CEP295: variants seen among roughly 807,000 people sequenced by gnomAD.
CEP295 encodes centrosomal protein of 295 kDa.
CEP295 carries 190 observed loss-of-function variants against 291.6 expected under a neutral mutation model. The ratio of observed to expected loss-of-function variants is 0.65; its 90% CI spans 0.58 to 0.73. The LOEUF is 0.73. Among genes scored for constraint, CEP295 ranks in the 30% least tolerant of loss-of-function variants. The probability of loss-of-function intolerance (pLI) is 0.00; values close to 1 mark genes in which losing one functional copy is unlikely to be tolerated. For synonymous variants in CEP295, 993 were observed against 1,038.8 expected (o/e 0.96, Z 0.85); for missense variants, 2,863 against 2,949.4 (o/e 0.97, Z 0.68).
chr11:93,684,242 C>A, intron 9 of CEP295, 114 bp downstream of exon 9: 1 of 738,552 alleles, frequency 1.4e-6, no homozygotes, highest in Non-Finnish European at 2.2e-6. Context: ...ATGAGTAATA[C>A]TGATGGGAGC....
At chr11:93,716,532 TGGGGTGTATACAGGA>T (rs1379507116) in intron 18 of CEP295, among the ~76,000 whole-genome samples, 1 of 152,222 alleles carries the variant, frequency 6.6e-6, no homozygotes, top group Non-Finnish European at 1.5e-5. Context: ...GGAGAGACCT[TGGGGTGTATACAGGA>T]GGGTATCTTT....
At chr11:93,706,674 A>G (rs1167844797) in intron 17 of CEP295, 71 bp from the exon 18 acceptor site, 19 of 1,314,028 alleles carry the variant, frequency 1.4e-5, no homozygotes, top group Non-Finnish European at 1.9e-5. Flanking sequence ...TACCCATAAT[A>G]TAAATTGGCA....
intron 10 of CEP295, among the ~76,000 whole-genome samples, chr11:93,689,624 C>T (rs1391928481): frequency 6.6e-6 from 1 of 152,144 alleles, no homozygotes. Context: ...CCAACCTCCA[C>T]ACCTTTTACT....
chr11:93,675,715 G>T, intron 6 of CEP295, 49 bp downstream of exon 6: 1 of 949,244 alleles, frequency 1.1e-6, no homozygotes, highest in Non-Finnish European at 1.6e-6. Flanking sequence ...ATTTCTGTGT[G>T]CATTGAATTG....
chr11:93,697,538 C>A lies in CEP295; in HGVS notation c.2626C>A (p.Gln876Lys). 1 of 1,551,724 alleles carries A rather than the reference C, an allele frequency of 6.4e-7. No individual in the cohort carries two copies. The highest frequency in any genetic ancestry group is 8.7e-7 in the Non-Finnish European group (1 of 1,146,986). Residue 876 changes from glutamine to lysine, a missense_variant, in exon 15 of 30, where the codon CAG becomes AAG. Transcript: ENST00000325212. ...EAQEQLLLCK[Q>K]KEVEQQTGLS... ...TCAGGAACAGTTGCTTTTGTGCAAA[C>A]AGAAAGAAGTGGAACAGCAAACGGG... is the stretch of plus-strand genomic sequence containing the variant.
chr11:93,703,758 C>G (rs72974662), intron 17 of CEP295, among the ~76,000 whole-genome samples: 1,694 of 151,144 alleles, frequency 0.011, 16 homozygotes, highest in Non-Finnish European at 0.018. Context: ...AACACTCATC[C>G]CTGTAATTCT....
chr11:93,691,639 C>G, intron 10 of CEP295, 44 bp from the exon 11 acceptor site: 1 of 1,271,952 alleles, frequency 7.9e-7, no homozygotes, highest in East Asian at 2.5e-5. Flanking sequence ...TTAAGTTTGA[C>G]AATGATTATA....
chr11:93,700,207 A>G, intron 15 of CEP295, 21 bp downstream of exon 15: 1 of 1,502,166 alleles, frequency 6.7e-7, no homozygotes, highest in South Asian at 1.3e-5. Context: ...AACCTGAATA[A>G]TAATGAAACA....
At chr11:93,676,387 A>G (rs1371708227) in intron 6 of CEP295, among the ~76,000 whole-genome samples, 1 of 152,044 alleles carries the variant, frequency 6.6e-6, no homozygotes, top group Non-Finnish European at 1.5e-5. Context: ...TATTGTTATT[A>G]TAATTGCTAT....
rs138827967 is a variant in CEP295 at position 93,685,398 on chromosome 11, G to A, written c.1114+1270G>A. Among the ~76,000 whole-genome samples the A allele has an allele frequency of 9.9e-5, 15 of 152,030 alleles. No homozygotes were observed. In the East Asian group the frequency reaches 2.1e-3, roughly 22 times the overall value. On this transcript the variant is annotated intron_variant, in intron 9 of 29. Transcript: ENST00000325212. ...TTTCTTATCATCTTCACCCTACACC[G>A]TGAACGTAGCCTTTTGGGATTCCAA...
chr11:93,702,150 G>T (rs1952206249), intron 15 of CEP295, among the ~76,000 whole-genome samples: 1 of 151,796 alleles, frequency 6.6e-6, no homozygotes, highest in African/African-American at 2.4e-5. Context: ...GTAGAGACGG[G>T]ATTTCACCAT....
chr11:93,699,449 G>T lies in CEP295; in HGVS notation c.4537G>T (p.Asp1513Tyr), dbSNP rs949494449. Residue 1513 changes from aspartate (D) to tyrosine (Y), a missense_variant, in exon 15 of 30, where the codon GAT becomes TAT. Asp to Tyr is a radical substitution (Grantham distance 160, BLOSUM62 -3). This residue lies in a region of CEP295 where 2,295 missense variants were observed against 2,335.7 expected (regional missense o/e 0.98). Coordinates refer to ENST00000325212, the MANE Select transcript of CEP295 (RefSeq NM_033395.2). ...GDLQALQQQL[D>Y]TQKKAIRSIQ... is the part of the protein sequence containing the mutation. ...TTTGCAGGCACTTCAACAGCAGTTA[G>T]ATACACAGAAGAAAGCCATTCGATC... 3.9e-6 allele frequency: 6 copies of T among 1,551,738 alleles called. No homozygotes were observed. The highest frequency in any genetic ancestry group is 5.2e-6 in the Non-Finnish European group (6 of 1,146,994).
intron 5 of CEP295, among the ~76,000 whole-genome samples, chr11:93,670,754 A>T (rs1470678197): frequency 6.6e-6 from 1 of 152,206 alleles, no homozygotes; most frequent in East Asian, 1.9e-4. Context: ...ATTATCCATG[A>T]TGCCTTTTGA....
rs148729291 is a variant in CEP295 at position 93,729,403 on chromosome 11, A to AGAGTT, written c.7303-27_7303-26insTGAGT. On this transcript the variant is annotated intron_variant, in intron 25 of 29. Transcript: ENST00000325212. ...CAAGACCCGCTTAAAGCGTTTAAAAAGAGTAAAACATGCAACTTTCTTGCC... is the reference window on the plus strand; with the variant it reads ...CAAGACCCGCTTAAAGCGTTTAAAAAGAGTTGAGTAAAACATGCAACTTTCTTGCC... 4,650 of 1,451,542 alleles carry AGAGTT rather than the reference A, an allele frequency of 3.2e-3. 118 individuals carry two copies. In the East Asian group the frequency reaches 0.068, roughly 21 times the overall value. The allele number at this position is 1,451,542 out of a possible 1,614,324, so 89.9% of individuals were successfully genotyped here.
rs767082481 is a variant in CEP295 at position 93,687,694 on chromosome 11, A to G, written c.1165A>G (p.Lys389Glu). Residue 389 changes from lysine to glutamate, a missense_variant, in exon 10 of 30, where the codon AAA becomes GAA. Physicochemically the swap from Lys to Glu is moderately conservative, Grantham distance 56 (BLOSUM62 1). Coordinates refer to ENST00000325212, the MANE Select transcript of CEP295 (RefSeq NM_033395.2). Reference sequence around the variant, plus strand: ...GATTCCTTCAAAAGTTCTTTTTAAAAAATTATTAAATAAGATCCGAAGCCA... The same window carrying G: ...GATTCCTTCAAAAGTTCTTTTTAAAGAATTATTAAATAAGATCCGAAGCCA... Reference protein sequence around the residue: ...QQIPSKVLFKKLLNKIRSQKS... With the variant: ...QQIPSKVLFKELLNKIRSQKS... 7 of 1,544,664 alleles carry G rather than the reference A, an allele frequency of 4.5e-6. No homozygotes were observed. Among genetic ancestry groups the G allele is most frequent in the Non-Finnish European group, 6.1e-6 (7 of 1,142,354 alleles).
rs571536756 is a variant in CEP295 at position 93,726,121 on chromosome 11, T to G, written c.6499+290T>G. Among the ~76,000 whole-genome samples the G allele has an allele frequency of 1.5e-4, 23 of 152,206 alleles. No homozygotes were observed. In the East Asian group the frequency reaches 3.3e-3, roughly 22 times the overall value. On this transcript the variant is annotated intron_variant, in intron 23 of 29. Transcript: ENST00000325212. ...TATTTTTTTGTTTGTTTTTTTTGTT[T>G]TTGTTTTTGTTTTTATTTTGTTTTT...
intron 18 of CEP295, among the ~76,000 whole-genome samples, chr11:93,708,931 G>T (rs993660195): frequency 4.6e-5 from 7 of 152,062 alleles, no homozygotes; most frequent in African/African-American, 1.4e-4. Context: ...TTGCCTGTTT[G>T]CCATTTGTAT....
chr11:93,675,771 T>G (rs1194334732), intron 6 of CEP295, 105 bp downstream of exon 6: 7 of 595,082 alleles, frequency 1.2e-5, no homozygotes, highest in Non-Finnish European at 2.0e-5. Context: ...TTTCAAAATT[T>G]GGACAATTGA....
chr11:93,713,123 TTTG>T (rs1396130436), intron 18 of CEP295, among the ~76,000 whole-genome samples: 1 of 152,014 alleles, frequency 6.6e-6, no homozygotes, highest in Admixed American at 6.6e-5. Context: ...TGTTTAACTT[TTTG>T]TTGTTTCTAT....
Sources: gnomAD v4.1 joint callset for allele counts (sites outside exome capture counted in the v4.1 genomes callset) on GRCh38, gnomAD v4.1.1 for gene constraint, gnomAD v4.1.1 regional missense constraint, MANE v1.5 for transcripts, NCBI Gene and HGNC (gene_info 2026-07-23, HGNC 2026-07-21) for gene names.